Variants in PLAUR observed in about 807,000 individuals in gnomAD.
PLAUR encodes the protein plasminogen activator, urokinase receptor, also known as urokinase plasminogen activator surface receptor.
A neutral mutation model predicts 33.4 loss-of-function variants in PLAUR; 22 were observed. The observed-to-expected ratio is 0.66, with a 90% CI of 0.47 to 0.94. The LOEUF is 0.94. PLAUR is among the 40% of genes least tolerant of loss of function. PLAUR has a pLI of 0.00. For synonymous variants in PLAUR, 148 were observed against 167.3 expected (o/e 0.88, Z 0.89); for missense variants, 408 against 434.7 (o/e 0.94, Z 0.55).
At chr19:43,664,130 G>A (rs763569852) in intron 3 of PLAUR, among the ~76,000 whole-genome samples, 4 of 152,062 alleles carry the variant, frequency 2.6e-5, no homozygotes, top group Non-Finnish European at 5.9e-5. Flanking sequence ...ACATCTCACC[G>A]AGACGGGAAG....
chr19:43,670,155 C>A lies in PLAUR; in HGVS notation c.-35G>T. 6.2e-7 allele frequency: 1 copy of A among 1,602,858 alleles called. No individual in the cohort carries two copies. The highest frequency in any genetic ancestry group is 8.5e-7 in the Non-Finnish European group (1 of 1,175,218). ...GCAGCTCCTGTGCGCGGGGTCCCTG[C>A]ACGTCTTCTCTCCTTCTGGCCTCAG... On this transcript the variant is annotated 5_prime_UTR_variant, in exon 1 of 7. Coordinates refer to ENST00000340093, the MANE Select transcript of PLAUR (RefSeq NM_002659.4).
chr19:43,664,102 T>C (rs918232630), intron 3 of PLAUR, among the ~76,000 whole-genome samples: 2 of 152,098 alleles, frequency 1.3e-5, no homozygotes, highest in Non-Finnish European at 2.9e-5. Context: ...GACCCAAGTA[T>C]TGGTGCTTTC....
chr19:43,646,847 C>G (rs1424690942), downstream of PLAUR, among the ~76,000 whole-genome samples: 1 of 121,950 alleles, frequency 8.2e-6, no homozygotes. Flanking sequence ...GTGGTGTGAT[C>G]TTGGCTCACT....
chr19:43,668,307 C>T, intron 1 of PLAUR: 1 of 986,606 alleles, frequency 1.0e-6, no homozygotes, highest in Non-Finnish European at 1.2e-6. Context: ...TGTCTCCGCC[C>T]TCCAGCTCTC....
chr19:43,656,330 TG>T, intron 4 of PLAUR, 148 bp downstream of exon 4: 1 of 581,622 alleles, frequency 1.7e-6, no homozygotes. Context: ...CCTGTCCTTG[TG>T]GCCCTGGACT....
At chr19:43,669,308 C>T (rs541264086) in intron 1 of PLAUR, among the ~76,000 whole-genome samples, 1 of 152,158 alleles carries the variant, frequency 6.6e-6, no homozygotes, top group Non-Finnish European at 1.5e-5. Flanking sequence ...TCCTGTCCCC[C>T]CGTTTCTCAG....
intron 3 of PLAUR, among the ~76,000 whole-genome samples, chr19:43,659,616 A>G (rs1974359516): frequency 6.6e-6 from 1 of 152,138 alleles, no homozygotes; most frequent in African/African-American, 2.4e-5. Context: ...TCGAGGCCCC[A>G]TGGCTATACC....
Position 43,656,634 on chromosome 19 carries a change from G to T in PLAUR, c.317C>A (p.Ala106Asp), listed in dbSNP as rs757067405. The change falls in exon 4 of 7, where the codon GCT becomes GAT. Residue 106 changes from alanine (A) to aspartate (D), a missense_variant. Ala to Asp is a moderately radical substitution (Grantham distance 126). Coordinates refer to ENST00000340093, the MANE Select transcript of PLAUR (RefSeq NM_002659.4). Reference protein sequence around the residue: ...DLCNQGNSGRAVTYSRSRYLE... With the variant: ...DLCNQGNSGRDVTYSRSRYLE... ...GTAACGGCTTCGGGAATAGGTGACA[G>T]CCCGGCCTGTTTGGAAGAGGGGGAG... The T allele has an allele frequency of 4.4e-6, 7 of 1,596,526 alleles. No homozygotes were observed. The Admixed American group carries it at 6.8e-5, about 16-fold the overall frequency.
chr19:43,656,693 C>A, intron 3 of PLAUR, 53 bp from the exon 4 acceptor site: 1 of 1,447,172 alleles, frequency 6.9e-7, no homozygotes, highest in South Asian at 1.3e-5. Flanking sequence ...GTCCTGGAGC[C>A]CCAGCTCTGC....
At chr19:43,668,257 G>A (rs745546840) in intron 1 of PLAUR, 14 of 986,954 alleles carry the variant, frequency 1.4e-5, no homozygotes, top group Non-Finnish European at 1.7e-5. Context: ...CAGCCCTCCG[G>A]AGTTTCTATT....
intron 4 of PLAUR, among the ~76,000 whole-genome samples, chr19:43,655,824 C>G (rs369283292): frequency 2.6e-5 from 4 of 152,148 alleles, no homozygotes; most frequent in Non-Finnish European, 5.9e-5. Flanking sequence ...AAAGGAGAAC[C>G]CTTACAAAAG....
At chr19:43,667,725 A>G (rs779530616) in intron 1 of PLAUR, 34 bp from the exon 2 acceptor site, 2 of 1,609,664 alleles carry the variant, frequency 1.2e-6, no homozygotes, top group Non-Finnish European at 1.7e-6. Flanking sequence ...GGAGAGGTTA[A>G]CTACGCTTAG....
chr19:43,646,895 C>T (rs1973834651), downstream of PLAUR, among the ~76,000 whole-genome samples: 1 of 150,744 alleles, frequency 6.6e-6, no homozygotes, highest in South Asian at 2.1e-4. Flanking sequence ...ATTCTCCTGC[C>T]TCAGCCTTCC....
chr19:43,669,418 C>T (rs940886319), intron 1 of PLAUR, among the ~76,000 whole-genome samples: 1 of 152,172 alleles, frequency 6.6e-6, no homozygotes, highest in African/African-American at 2.4e-5. Flanking sequence ...AGTTATCTAA[C>T]CTCTCTGTGC....
intron 6 of PLAUR, chr19:43,651,878 A>G: frequency 9.6e-7 from 1 of 1,038,690 alleles, no homozygotes. Context: ...AATCCACCAA[A>G]GAATTCCATT....
intron 5 of PLAUR, among the ~76,000 whole-genome samples, 163 bp downstream of exon 5, chr19:43,655,276 C>CAAAAAAAAAA (rs34689348): frequency 1.5e-5 from 1 of 66,190 alleles, no homozygotes; most frequent in Non-Finnish European, 2.9e-5. Flanking sequence ...GACTCCGTCT[C>CAAAAAAAAAA]AAAAAAAAAA....
chr19:43,665,754 C>G (rs1967209729), intron 2 of PLAUR, among the ~76,000 whole-genome samples: 1 of 148,478 alleles, frequency 6.7e-6, no homozygotes, highest in Admixed American at 6.8e-5. Context: ...GGAGCCTTGA[C>G]CTCCCAGGCT....
downstream of PLAUR, among the ~76,000 whole-genome samples, chr19:43,647,829 A>AAAAAGG (rs1973848668): frequency 6.6e-6 from 1 of 151,814 alleles, no homozygotes; most frequent in African/African-American, 2.4e-5. Context: ...AAAAGAAAAG[A>AAAAAGG]AAAAGGAAAA....
intron 3 of PLAUR, among the ~76,000 whole-genome samples, chr19:43,658,366 C>T (rs1974297834): frequency 6.6e-6 from 1 of 152,216 alleles, no homozygotes; most frequent in Admixed American, 6.5e-5. Flanking sequence ...GATCCTGAGC[C>T]AGAACCACCT....
Sources: gnomAD v4.1 joint callset for allele counts (sites outside exome capture counted in the v4.1 genomes callset) on GRCh38, gnomAD v4.1.1 for gene constraint, MANE v1.5 for transcripts, NCBI Gene and HGNC (gene_info 2026-07-23, HGNC 2026-07-21) for gene names.